ARHGAP33: variants seen among roughly 807,000 people sequenced by gnomAD.
The protein encoded by ARHGAP33 is Rho GTPase activating protein 33.
A neutral mutation model predicts 126.2 loss-of-function variants in ARHGAP33; 57 were observed. That is an observed-to-expected ratio of 0.45 (90% confidence interval 0.36 to 0.56). The LOEUF (loss-of-function observed/expected upper bound fraction) is 0.56. Ranked by LOEUF, ARHGAP33 falls within the 20% of genes least tolerant of loss-of-function variation. The pLI is 0.00. For missense variants in ARHGAP33, 1,500 were observed against 1,748.3 expected (o/e 0.86, Z 2.53); for synonymous variants, 711 against 755.0 (o/e 0.94, Z 0.95).
In ARHGAP33 at chr19:35,786,807, C is replaced by G; in HGVS notation, c.2337C>G (p.Ile779Met). Residue 779 changes from isoleucine to methionine, a missense_variant, in exon 20 of 21, where the codon ATC becomes ATG. This residue lies in a region of ARHGAP33 where 73 missense variants were observed against 110.8 expected (regional missense o/e 0.66). Transcript: ENST00000007510. The surrounding 1 kb of genome is among the most constrained non-coding windows in gnomAD (Gnocchi z 7.0). ...AFPPRVTPQAISPRGPTSPAS... is the reference protein window; with the variant it reads ...AFPPRVTPQAMSPRGPTSPAS... ...CACCCAGGGTGACCCCCCAGGCCAT[C>G]TCGCCCCGGGGGCCCACCAGCCCCG... 1 of 1,522,860 alleles carries G rather than the reference C, an allele frequency of 6.6e-7. No homozygotes were observed. The highest frequency in any genetic ancestry group is 8.8e-7 in the Non-Finnish European group (1 of 1,138,060). 94.3% of individuals were successfully genotyped at this position (1,522,860 alleles called of 1,614,324 possible). A position where few individuals can be genotyped will look rare whatever the true frequency, so the allele number is the denominator to read the frequency against.
intron 4 of ARHGAP33, 28 bp from the exon 5 acceptor site, chr19:35,778,436 G>A: frequency 1.2e-6 from 2 of 1,614,116 alleles, no homozygotes; most frequent in Non-Finnish European, 1.7e-6. Context: ...TGGGGCCCCT[G>A]CTCCCTTCTG....
rs1410701591 is a variant in ARHGAP33 at position 35,782,410 on chromosome 19, G to A, written c.1123G>A (p.Gly375Ser). The change falls in exon 13 of 21, where the codon GGC becomes AGC. Residue 375 changes from glycine (G) to serine (S), a missense_variant. Around this residue, in one of 6 missense-constraint regions of ARHGAP33, gnomAD observed 281 missense variants for 413.7 expected, o/e 0.68. Coordinates refer to ENST00000007510, the MANE Select transcript of ARHGAP33 (RefSeq NM_001366178.1). The surrounding 1 kb of genome is among the most constrained non-coding windows in gnomAD (Gnocchi z 4.1). The part of the protein sequence containing the change: ...FDSERIPELS[G>S]PAFLQDIHSV... ...CAGTGAGAGGATCCCGGAGCTGTCT[G>A]GCCCTGCATTCCTGCAGGACATCCA... The A allele has an allele frequency of 6.2e-6, 10 of 1,612,114 alleles. No homozygotes were observed. The highest frequency in any genetic ancestry group is 8.5e-6 in the Non-Finnish European group (10 of 1,178,346).
At chr19:35,785,367 G>A (rs779095642) in intron 18 of ARHGAP33, 33 bp downstream of exon 18, 5 of 1,613,964 alleles carry the variant, frequency 3.1e-6, no homozygotes, top group Non-Finnish European at 4.2e-6. Context: ...GGTGGGCAGC[G>A]ATGGTCGCTG....
intron 19 of ARHGAP33, 52 bp downstream of exon 19, chr19:35,785,535 G>A: frequency 1.2e-6 from 2 of 1,609,922 alleles, no homozygotes; most frequent in Non-Finnish European, 1.7e-6. Flanking sequence ...GTGGAGCCGG[G>A]AGGAATTGGG....
intron 6 of ARHGAP33, 110 bp downstream of exon 6, chr19:35,779,234 G>A (rs2146691529): frequency 1.2e-6 from 1 of 811,610 alleles, no homozygotes; most frequent in South Asian, 1.8e-5. Flanking sequence ...AGCCAGAGTG[G>A]AGGAGGCGTT....
intron 16 of ARHGAP33, 27 bp from the exon 17 acceptor site, chr19:35,784,926 C>G: frequency 6.6e-7 from 1 of 1,525,668 alleles, no homozygotes; most frequent in Non-Finnish European, 8.8e-7. Flanking sequence ...CCAGAGCTGA[C>G]AGCTGCCCCC....
chr19:35,786,593 G>C lies in ARHGAP33; in HGVS notation c.2123G>C (p.Gly708Ala), dbSNP rs952236428. ...GCAGCTGGGCTGGGGGCACTCTCTG[G>C]GTCTCCCTCACACCGTACCTCAGCC... is the stretch of plus-strand genomic sequence containing the variant. ...SSAAGLGALS[G>A]SPSHRTSAWL... The change falls in exon 20 of 21, where the codon GGG becomes GCG. Residue 708 changes from glycine to alanine, a missense_variant. Physicochemically the swap from Gly to Ala is moderately conservative, Grantham distance 60. Around this residue, in one of 6 missense-constraint regions of ARHGAP33, gnomAD observed 300 missense variants for 291.1 expected, o/e 1.03. Transcript: ENST00000007510. This position sits in a 1 kb window ranked among gnomAD's most constrained non-coding sequence, Gnocchi z 7.0. 1 of 1,535,728 alleles carries C rather than the reference G, an allele frequency of 6.5e-7. No individual in the cohort carries two copies. The highest frequency in any genetic ancestry group is 2.0e-5 in the Admixed American group (1 of 50,948).
chr19:35,783,301 C>A (rs902902954), intron 15 of ARHGAP33, among the ~76,000 whole-genome samples: 1 of 152,176 alleles, frequency 6.6e-6, no homozygotes, highest in Admixed American at 6.5e-5. Flanking sequence ...AGTTCACAGT[C>A]TTCTGGGGGC....
At position 35,778,374 on chromosome 19, in the gene ARHGAP33, G is replaced by A. The variant is rs371607047; in HGVS notation, c.270+14G>A. The A allele has an allele frequency of 2.0e-4, 326 of 1,614,156 alleles. 2 individuals are homozygous for A. The highest frequency in any genetic ancestry group is 9.2e-4 in the South Asian group (84 of 91,088). On this transcript the variant is annotated intron_variant, in intron 4 of 20. Coordinates refer to ENST00000007510, the MANE Select transcript of ARHGAP33 (RefSeq NM_001366178.1). ...GTGACCTGTCAGGTGAGGCCATCCC[G>A]CCTCTCATCTAGCCTGAGAGAATGG... is the stretch of plus-strand genomic sequence containing the variant.
chr19:35,787,641 C>G lies in ARHGAP33; in HGVS notation c.3076C>G (p.Gln1026Glu), dbSNP rs1360666552. The G allele has an allele frequency of 2.5e-6, 4 of 1,592,952 alleles. No homozygotes were observed. Among genetic ancestry groups the G allele is most frequent in the Non-Finnish European group, 3.4e-6 (4 of 1,174,438 alleles). The change falls in exon 21 of 21, where the codon CAG (glutamine) becomes GAG (glutamate). Residue 1026 changes from glutamine to glutamate, a missense_variant. Transcript: ENST00000007510. The part of the protein sequence containing the change: ...AAQSPCSVPS[Q>E]VPTPGFFSPA... ...CCAGTCCCCATGTTCTGTCCCCTCA[C>G]AGGTTCCTACCCCCGGCTTCTTCTC...
At position 35,785,473 on chromosome 19, in the gene ARHGAP33, C is replaced by G. The variant is rs1378725382; in HGVS notation, c.1932C>G (p.Ala644=). The G allele has an allele frequency of 6.2e-7, 1 of 1,614,072 alleles. No homozygotes were observed. Among genetic ancestry groups the G allele is most frequent in the African/African-American group, 1.3e-5 (1 of 74,938 alleles). Residue 644 remains alanine (A), a synonymous_variant, in exon 19 of 21, where the codon GCC becomes GCG. Transcript: ENST00000007510. Reference sequence around the variant, plus strand: ...GCGAGGAGTCTCTGTCATCGCAGGCCAGCGGGGCTGGTGAGCAAGGCGGGC... The same window carrying G: ...GCGAGGAGTCTCTGTCATCGCAGGCGAGCGGGGCTGGTGAGCAAGGCGGGC... ...AKSEESLSSQ[A]SGAGLQRLHR...
Position 35,781,866 on chromosome 19 carries a change from C to T in ARHGAP33, c.1086-507C>T, listed in dbSNP as rs562100569. On this transcript the variant is annotated intron_variant, in intron 12 of 20. Transcript: ENST00000007510. ...TCTGAGCCGGGGCGGGGTCTAGAGGCGGGGAGGAGCCAGGCGAGATCTCGG... is the reference window on the plus strand; with the variant it reads ...TCTGAGCCGGGGCGGGGTCTAGAGGTGGGGAGGAGCCAGGCGAGATCTCGG... Among the ~76,000 whole-genome samples the T allele has an allele frequency of 2.2e-3, 326 of 151,368 alleles. 3 individuals are homozygous for T. The highest frequency in any genetic ancestry group is 7.4e-3 in the African/African-American group (303 of 41,220).
At chr19:35,775,827 C>A (rs1971425387) in intron 1 of ARHGAP33, among the ~76,000 whole-genome samples, 163 bp downstream of exon 1, 1 of 151,602 alleles carries the variant, frequency 6.6e-6, no homozygotes, top group Admixed American at 6.6e-5. Context: ...CCAGCCCGTA[C>A]CTCGACCCCG....
In ARHGAP33 at chr19:35,786,135, C is replaced by T; in HGVS notation, c.1943-278C>T. Reference sequence around the variant, plus strand: ...CTCACACTCCTGGGGTACTGCCCTCCCACATACCCAGGAGCCCAGGTGCTG... The same window carrying T: ...CTCACACTCCTGGGGTACTGCCCTCTCACATACCCAGGAGCCCAGGTGCTG... On this transcript the variant is annotated intron_variant, in intron 19 of 20. Coordinates refer to ENST00000007510, the MANE Select transcript of ARHGAP33 (RefSeq NM_001366178.1). The surrounding 1 kb of genome is among the most constrained non-coding windows in gnomAD (Gnocchi z 7.0). The T allele has an allele frequency of 1.5e-6, 2 of 1,336,724 alleles. No homozygotes were observed. The highest frequency in any genetic ancestry group is 1.9e-6 in the Non-Finnish European group (2 of 1,046,456). The allele number at this position is 1,336,724 out of a possible 1,614,324, so 82.8% of individuals were successfully genotyped here.
rs1229534588 is a variant in ARHGAP33, at chr19:35,777,815, G to C, written c.105-9G>C. The C allele has an allele frequency of 6.2e-7, 1 of 1,614,170 alleles. No individual in the cohort carries two copies. The highest frequency in any genetic ancestry group is 1.3e-5 in the African/African-American group (1 of 75,044). ...AGGAGCTGCTGGTGACGCATCCCCT[G>C]TCTCCCAGGCTCTCAGCTCCTCGAG... is the stretch of plus-strand genomic sequence containing the variant. On this transcript the variant is annotated splice_polypyrimidine_tract_variant and intron_variant, in intron 2 of 20. Transcript: ENST00000007510.
At chr19:35,779,296 A>ATG (rs147226711) in intron 6 of ARHGAP33, 172 bp downstream of exon 6, 36 of 596,556 alleles carry the variant, frequency 6.0e-5, no homozygotes, top group South Asian at 1.2e-4. Flanking sequence ...GTGTGTGAGC[A>ATG]TGTGTGTGTG....
At chr19:35,780,873 C>G (rs1315086736) in intron 10 of ARHGAP33, 47 bp from the exon 11 acceptor site, 3 of 1,612,448 alleles carry the variant, frequency 1.9e-6, no homozygotes. Flanking sequence ...CCTGGCCATG[C>G]TGACCCCACA....
chr19:35,780,794 G>C lies in ARHGAP33; in HGVS notation c.807G>C (p.Gln269His). 1 of 1,613,988 alleles carries C rather than the reference G, an allele frequency of 6.2e-7. No homozygotes were observed. Among genetic ancestry groups the C allele is most frequent in the South Asian group, 1.1e-5 (1 of 91,074 alleles). Residue 269 changes from glutamine to histidine, a missense_variant, in exon 10 of 21, where the codon CAG becomes CAC. Physicochemically the swap from Gln to His is conservative, Grantham distance 24. This residue lies in a region of ARHGAP33 where 281 missense variants were observed against 413.7 expected (regional missense o/e 0.68). Transcript: ENST00000007510. ...CCCCATGTGGCATCCCGGCTCCCCA[G>C]GGTATCTCGTCTCTGACCTCAGGTA... ...DGPPCGIPAP[Q>H]GISSLTSAVP... is the part of the protein sequence containing the mutation.
chr19:35,780,798 A>C lies in ARHGAP33; in HGVS notation c.811A>C (p.Ile271Leu), dbSNP rs1276449353. 6.2e-7 allele frequency: 1 copy of C among 1,613,884 alleles called. No homozygotes were observed. The highest frequency in any genetic ancestry group is 2.2e-5 in the East Asian group (1 of 44,864). ...ATGTGGCATCCCGGCTCCCCAGGGT[A>C]TCTCGTCTCTGACCTCAGGTAATAG... is the stretch of plus-strand genomic sequence containing the variant. Reference protein sequence around the residue: ...PPCGIPAPQGISSLTSAVPRP... With the variant: ...PPCGIPAPQGLSSLTSAVPRP... Residue 271 changes from isoleucine (I) to leucine (L), a missense_variant, in exon 10 of 21, where the codon ATC becomes CTC. Physicochemically the swap from Ile to Leu is conservative, Grantham distance 5 (BLOSUM62 2). Transcript: ENST00000007510.
Sources: allele counts gnomAD v4.1 joint callset (sites outside exome capture counted in the v4.1 genomes callset), GRCh38; gene constraint gnomAD v4.1.1; regional missense constraint gnomAD v4.1.1; non-coding constraint Gnocchi (gnomAD v3.1); transcripts MANE v1.5; gene names NCBI Gene and HGNC (gene_info 2026-07-23, HGNC 2026-07-21).